The following RPTOR variants were observed in gnomAD, a reference collection of about 807,000 sequenced individuals.
RPTOR encodes the protein regulatory associated protein of MTOR complex 1.
A neutral mutation model predicts 169.9 loss-of-function variants in RPTOR; 21 were observed. The observed-to-expected ratio is 0.12, with a 90% CI of 0.09 to 0.18. The LOEUF (loss-of-function observed/expected upper bound fraction) is 0.18. Ranked by LOEUF, RPTOR falls within the 10% of genes least tolerant of loss-of-function variation. RPTOR has a pLI of 1.00. For missense variants in RPTOR, 1,133 were observed against 1,855.9 expected (o/e 0.61, Z 7.16); for synonymous variants, 732 against 753.2 (o/e 0.97, Z 0.46).
chr17:80,848,903 C>T (rs781303293), intron 11 of RPTOR, among the ~76,000 whole-genome samples: 5 of 152,216 alleles, frequency 3.3e-5, no homozygotes, highest in Non-Finnish European at 5.9e-5. Flanking sequence ...CTGATGGTGA[C>T]GTATGCGAAG....
At chr17:80,712,318 C>CA (rs1267746791) in intron 4 of RPTOR, among the ~76,000 whole-genome samples, 1 of 152,128 alleles carries the variant, frequency 6.6e-6, no homozygotes, top group African/African-American at 2.4e-5. Context: ...GTTAGGTTGC[C>CA]ACACAGAGTA....
At chr17:80,943,733 G>A (rs62068550) in intron 25 of RPTOR, among the ~76,000 whole-genome samples, 15,235 of 149,662 alleles carry the variant, frequency 0.1, 1,141 homozygotes, top group Admixed American at 0.17. Context: ...GTGAGGACAC[G>A]GTTAGTAAGA....
At chr17:80,940,880 C>A (rs1390349579) in intron 25 of RPTOR, among the ~76,000 whole-genome samples, 1 of 152,186 alleles carries the variant, frequency 6.6e-6, no homozygotes, top group Non-Finnish European at 1.5e-5. Flanking sequence ...TCTCCCGGGA[C>A]CCTGCCTCTT....
chr17:80,828,581 T>C (rs761191596), intron 9 of RPTOR, among the ~76,000 whole-genome samples: 1 of 152,242 alleles, frequency 6.6e-6, no homozygotes. Flanking sequence ...GCCTTTACAG[T>C]GCTGGCCCCG....
intron 3 of RPTOR, among the ~76,000 whole-genome samples, chr17:80,668,590 T>A (rs1365194491): frequency 6.6e-6 from 1 of 152,232 alleles, no homozygotes; most frequent in African/African-American, 2.4e-5. Flanking sequence ...CCGTCTCCCA[T>A]GTTTGCACGC....
chr17:80,924,561 A>G (rs1470573785), intron 23 of RPTOR, among the ~76,000 whole-genome samples: 1 of 151,852 alleles, frequency 6.6e-6, no homozygotes, highest in African/African-American at 2.4e-5. Context: ...GTCTCGGCAG[A>G]GGAGGAGCGA....
chr17:80,546,522 A>G (rs2084276529), intron 1 of RPTOR, among the ~76,000 whole-genome samples: 1 of 32,000 alleles, frequency 3.1e-5, no homozygotes, highest in African/African-American at 4.3e-5. Flanking sequence ...TTTGTCCTTC[A>G]TAAAACACCC....
intron 5 of RPTOR, among the ~76,000 whole-genome samples, chr17:80,738,479 A>G (rs559309898): frequency 6.6e-6 from 1 of 152,266 alleles, no homozygotes; most frequent in Admixed American, 6.5e-5. Context: ...TCTCTGCATA[A>G]AAAATTTAAG....
intron 5 of RPTOR, among the ~76,000 whole-genome samples, chr17:80,733,135 T>C (rs2066405842): frequency 6.6e-6 from 1 of 152,204 alleles, no homozygotes; most frequent in South Asian, 2.1e-4. Context: ...GAGGTTTATT[T>C]ATTGTTTACT....
chr17:80,769,956 G>A (rs915918218), intron 6 of RPTOR, among the ~76,000 whole-genome samples: 1 of 152,124 alleles, frequency 6.6e-6, no homozygotes, highest in Non-Finnish European at 1.5e-5. Flanking sequence ...CCAGTCACAC[G>A]GGGGTCTCCA....
chr17:80,948,209 C>G (rs1206746834), intron 27 of RPTOR, among the ~76,000 whole-genome samples: 3 of 152,224 alleles, frequency 2.0e-5, no homozygotes, highest in Non-Finnish European at 4.4e-5. Flanking sequence ...ACACCTGAGC[C>G]TCTGAGAGTG....
intron 1 of RPTOR, among the ~76,000 whole-genome samples, chr17:80,553,420 A>G (rs9898771): frequency 0.62 from 93,991 of 152,092 alleles, 29,823 homozygotes; most frequent in Middle Eastern, 0.72. Flanking sequence ...TACAGCTGAC[A>G]GTATTTGCTG....
chr17:80,568,977 T>C (rs1051066260), intron 1 of RPTOR, among the ~76,000 whole-genome samples: 2 of 152,216 alleles, frequency 1.3e-5, no homozygotes, highest in Non-Finnish European at 2.9e-5. Flanking sequence ...ACCATGCTCT[T>C]AAGCCAACTC....
At chr17:80,586,418 C>T (rs1458418270) in intron 1 of RPTOR, among the ~76,000 whole-genome samples, 1 of 152,166 alleles carries the variant, frequency 6.6e-6, no homozygotes, top group Non-Finnish European at 1.5e-5. Flanking sequence ...ATGTGGGTGT[C>T]TGTTTTTCAC....
At chr17:80,859,098 C>G (rs780323020) in intron 13 of RPTOR, among the ~76,000 whole-genome samples, 2 of 152,092 alleles carry the variant, frequency 1.3e-5, no homozygotes, top group African/African-American at 4.8e-5. Flanking sequence ...CCTGTGTGGC[C>G]GGCTGGGGCT....
intron 3 of RPTOR, among the ~76,000 whole-genome samples, chr17:80,649,983 G>A (rs567182824): frequency 1.5e-3 from 226 of 152,284 alleles, no homozygotes; most frequent in African/African-American, 5.1e-3. Context: ...AGTTTATTCC[G>A]GACTCTTTAG....
At chr17:80,723,208 A>ATT (rs201803379) in intron 4 of RPTOR, among the ~76,000 whole-genome samples, 1 of 95,034 alleles carries the variant, frequency 1.1e-5, no homozygotes, top group African/African-American at 4.7e-5. Flanking sequence ...TGAAGTTGTT[A>ATT]TTTTCTTTAT....
chr17:80,653,702 C>T (rs2065658223), intron 3 of RPTOR, among the ~76,000 whole-genome samples: 1 of 152,234 alleles, frequency 6.6e-6, no homozygotes, highest in Admixed American at 6.5e-5. Context: ...CTGTGGGTCT[C>T]TGCTCCCCAC....
intron 7 of RPTOR, among the ~76,000 whole-genome samples, chr17:80,794,932 C>T (rs559076858): frequency 1.3e-5 from 2 of 151,944 alleles, no homozygotes; most frequent in East Asian, 1.9e-4. Flanking sequence ...GAGGGGCTAG[C>T]GGGAGGGGCC....
Sources: allele counts gnomAD v4.1 joint callset (sites outside exome capture counted in the v4.1 genomes callset), GRCh38; gene constraint gnomAD v4.1.1; transcripts MANE v1.5; gene names NCBI Gene and HGNC (gene_info 2026-07-23, HGNC 2026-07-21).